The following RTF2 variants were observed in gnomAD, a reference collection of about 807,000 sequenced individuals.
RTF2 encodes UPF0549 protein C20orf43.
A neutral mutation model predicts 38.0 loss-of-function variants in RTF2; 18 were observed. That is an observed-to-expected ratio of 0.47 (90% confidence interval 0.33 to 0.70). The LOEUF is 0.70. Ranked by LOEUF, RTF2 falls within the 30% of genes least tolerant of loss-of-function variation. The pLI is 0.02. For synonymous variants in RTF2, 126 were observed against 137.1 expected, an observed-to-expected ratio of 0.92 and a Z score of 0.57; for missense variants, 311 against 379.6, an observed-to-expected ratio of 0.82 and a Z score of 1.50.
chr20:56,487,979 T>G (rs1234325379), intron 5 of RTF2, among the ~76,000 whole-genome samples: 1 of 152,208 alleles, frequency 6.6e-6, no homozygotes, highest in Non-Finnish European at 1.5e-5. Flanking sequence ...TAAGGTCACA[T>G]TTTGAGGTAC....
rs1344714514 is a variant in RTF2 at position 56,518,123 on chromosome 20, C to T, written c.779C>T (p.Pro260Leu). 4 of 1,613,616 alleles carry T rather than the reference C, an allele frequency of 2.5e-6. No homozygotes were observed. Among genetic ancestry groups the T allele is most frequent in the African/African-American group, 1.3e-5 (1 of 74,872 alleles). Residue 260 changes from proline to leucine, a missense_variant, in exon 9 of 9, where the codon CCT (proline) becomes CTT (leucine). Pro to Leu is a moderately conservative substitution (Grantham distance 98). Coordinates refer to ENST00000357348, the MANE Select transcript of RTF2 (RefSeq NM_016407.5). The part of the protein sequence containing the change: ...NESSSGKAGK[P>L]PCGATKRSIA... ...AGCTCTTCTGGAAAAGCTGGGAAGC[C>T]TCCGTGTGGAGCCACAAAGAGGTCC...
chr20:56,513,351 C>T lies in RTF2; in HGVS notation c.514C>T (p.Leu172Phe). The part of the protein sequence containing the change: ...AAFQEDDVIM[L>F]NGTKEDVDVL... The stretch of plus-strand genomic sequence containing the variant: ...CTTCCAGGAGGATGATGTCATCATG[C>T]TCAATGGCACCAAGGAGGATGTGGA... The change falls in exon 6 of 9, where the codon CTC (leucine) becomes TTC (phenylalanine). Residue 172 changes from leucine to phenylalanine, a missense_variant. Transcript: ENST00000357348. 6.2e-7 allele frequency: 1 copy of T among 1,608,152 alleles called. No homozygotes were observed.
rs539436307 is a variant in RTF2, at chr20:56,517,073, G to A, written c.647-33G>A. 77 of 1,612,402 alleles carry A rather than the reference G, an allele frequency of 4.8e-5. 1 individual carries two copies. In the South Asian group the frequency reaches 7.9e-4, roughly 17 times the overall value. On this transcript the variant is annotated intron_variant, in intron 7 of 8. Coordinates refer to ENST00000357348, the MANE Select transcript of RTF2 (RefSeq NM_016407.5). ...ATATGTTCATGCTTTGTTTTGCATT[G>A]TTTTTGCTTTGCCTACTTTGTTTCT...
rs1461439626 is a variant in RTF2, at chr20:56,484,078, T to C, written c.399-33T>C. The stretch of plus-strand genomic sequence containing the variant: ...AAATGTGAATTGATCATGTGATTAA[T>C]ACAGTCCTTCCCCCACTGGGTTATT... On this transcript the variant is annotated intron_variant, in intron 4 of 8. Coordinates refer to ENST00000357348, the MANE Select transcript of RTF2 (RefSeq NM_016407.5). The C allele has an allele frequency of 1.9e-6, 3 of 1,589,838 alleles. No homozygotes were observed. The African/African-American group carries it at 4.0e-5, about 21-fold the overall frequency.
chr20:56,487,923 T>C (rs1180910413), intron 5 of RTF2, among the ~76,000 whole-genome samples: 2 of 152,232 alleles, frequency 1.3e-5, no homozygotes, highest in East Asian at 1.9e-4. Context: ...CCCAACTTAA[T>C]GGCCTCATCT....
chr20:56,491,535 C>T, intron 5 of RTF2: 1 of 1,389,406 alleles, frequency 7.2e-7, no homozygotes, highest in Non-Finnish European at 1.0e-6. Flanking sequence ...CAGAATGATA[C>T]CAGTAAGAAA....
At chr20:56,499,356 T>A (rs1983772793) in intron 5 of RTF2, among the ~76,000 whole-genome samples, 1 of 151,790 alleles carries the variant, frequency 6.6e-6, no homozygotes, top group Admixed American at 6.6e-5. Context: ...AATTTTTGTA[T>A]TTTTTTAGTA....
intron 5 of RTF2, among the ~76,000 whole-genome samples, chr20:56,511,464 A>G (rs1268062288): frequency 1.3e-5 from 2 of 152,144 alleles, no homozygotes; most frequent in Non-Finnish European, 2.9e-5. Flanking sequence ...GACTGGCCCC[A>G]GGTGCAAAAA....
intron 7 of RTF2, 39 bp downstream of exon 7, chr20:56,517,028 G>C (rs576859477): frequency 5.7e-5 from 92 of 1,607,108 alleles, no homozygotes; most frequent in Admixed American, 1.7e-4. Flanking sequence ...AGCAAAATGC[G>C]ACTCTAGGGC....
rs1982298015 is a variant in RTF2, at chr20:56,477,183, G to A, written c.398+59G>A. 3 of 1,587,604 alleles carry A rather than the reference G, an allele frequency of 1.9e-6. No individual in the cohort carries two copies. The East Asian group carries it at 6.7e-5, about 36-fold the overall frequency. The stretch of plus-strand genomic sequence containing the variant: ...GGCTGGAGGAATACTGCCGGTTTTG[G>A]TGGCAGTGGTGCCGGAGCTTAGCAG... On this transcript the variant is annotated intron_variant, in intron 4 of 8. Coordinates refer to ENST00000357348, the MANE Select transcript of RTF2 (RefSeq NM_016407.5).
intron 6 of RTF2, chr20:56,516,497 A>G (rs1985050058): frequency 6.1e-6 from 1 of 163,144 alleles, no homozygotes; most frequent in African/African-American, 2.4e-5. Context: ...GACAGCTTTG[A>G]AAAAAAGTTA....
chr20:56,494,890 G>A (rs1285847141), intron 5 of RTF2, among the ~76,000 whole-genome samples: 1 of 152,156 alleles, frequency 6.6e-6, no homozygotes, highest in Non-Finnish European at 1.5e-5. Flanking sequence ...GTATCTCTGT[G>A]CAGTAGTTCC....
rs779646895 is a variant in RTF2, at chr20:56,497,288, G to T, written c.477+13099G>T. ...TTATAATATATGCCAAAGAGAAATC[G>T]CCCTCTTCTGCAGACAGGGGTCTGG... On this transcript the variant is annotated intron_variant, in intron 5 of 8. Coordinates refer to ENST00000357348, the MANE Select transcript of RTF2 (RefSeq NM_016407.5). 3.9e-6 allele frequency: 6 copies of T among 1,550,840 alleles called. No homozygotes were observed. The African/African-American group carries it at 8.2e-5, about 21-fold the overall frequency.
intron 5 of RTF2, among the ~76,000 whole-genome samples, chr20:56,496,389 A>G (rs1158007640): frequency 6.6e-6 from 1 of 152,290 alleles, no homozygotes; most frequent in East Asian, 1.9e-4. Flanking sequence ...CTCTACTAAA[A>G]ATACAAAAAT....
At chr20:56,476,895 C>A in intron 3 of RTF2, 90 bp from the exon 4 acceptor site, 1 of 1,293,322 alleles carries the variant, frequency 7.7e-7, no homozygotes, top group Non-Finnish European at 1.1e-6. Flanking sequence ...ATGGGAAGGG[C>A]TGGAATAACA....
In RTF2 at chr20:56,519,233, T is replaced by A. The variant is rs1326677014; in HGVS notation, c.*968T>A. On this transcript the variant is annotated 3_prime_UTR_variant, in exon 9 of 9. Transcript: ENST00000357348. ...TTTCCTTCAGAAGCAGAAGGAGCTG[T>A]GGGAGGTGAATGGTGGGAGGTGAAC... The A allele has an allele frequency of 6.6e-6, 1 of 152,102 alleles. No individual in the cohort carries two copies. The highest frequency in any genetic ancestry group is 1.5e-5 in the Non-Finnish European group (1 of 68,094). The allele number at this position is 152,102 out of a possible 1,614,324, so 9.4% of individuals were successfully genotyped here.
chr20:56,482,059 C>T (rs1982553414), intron 4 of RTF2, among the ~76,000 whole-genome samples: 1 of 152,188 alleles, frequency 6.6e-6, no homozygotes, highest in Non-Finnish European at 1.5e-5. Flanking sequence ...GCTGGTCAGT[C>T]TCTTCTCCTT....
At chr20:56,497,568 C>T in intron 5 of RTF2, 2 of 1,358,880 alleles carry the variant, frequency 1.5e-6, no homozygotes, top group South Asian at 2.5e-5. Context: ...AATGACTGCC[C>T]TCACGACAAG....
At position 56,513,425 on chromosome 20, in the gene RTF2, A is replaced by G. The variant is rs147143613; in HGVS notation, c.588A>G (p.Glu196=). 8.3e-5 allele frequency: 132 copies of G among 1,589,496 alleles called. No individual in the cohort carries two copies. The highest frequency in any genetic ancestry group is 1.1e-4 in the Non-Finnish European group (125 of 1,168,488). Residue 196 remains glutamate (E), a synonymous_variant, in exon 6 of 9, where the codon GAA becomes GAG. Transcript: ENST00000357348. ...AGAGAAGGCTGAGAGCGAAGCTGGAAAAGGTAATGGGAGTCTTCAGGTTCC... is the reference window on the plus strand; with the variant it reads ...AGAGAAGGCTGAGAGCGAAGCTGGAGAAGGTAATGGGAGTCTTCAGGTTCC... ...MEERRLRAKL[E]KKTKKPKAAE... is the part of the protein sequence containing the mutation.
Sources: gnomAD v4.1 joint callset for allele counts (sites outside exome capture counted in the v4.1 genomes callset) on GRCh38, gnomAD v4.1.1 for gene constraint, MANE v1.5 for transcripts, NCBI Gene and HGNC (gene_info 2026-07-23, HGNC 2026-07-21) for gene names.